Variants in KAZN observed in about 807,000 individuals in gnomAD.
The protein encoded by KAZN is kazrin.
A neutral mutation model predicts 87.4 loss-of-function variants in KAZN; 40 were observed. That is an observed-to-expected ratio of 0.46 (90% CI 0.36 to 0.60). The LOEUF (loss-of-function observed/expected upper bound fraction) is 0.60, where lower values mean the gene tolerates loss of function less well. Among genes scored for constraint, KAZN ranks in the 20% least tolerant of loss-of-function variants. KAZN has a pLI of 0.00. For missense variants in KAZN, 898 were observed against 1,073.9 expected, an observed-to-expected ratio of 0.84 and a Z score of 2.29; for synonymous variants, 466 against 458.3, an observed-to-expected ratio of 1.02 and a Z score of -0.22.
At chr1:13,922,749 G>T (rs531395654) in intron 1 of KAZN, among the ~76,000 whole-genome samples, 1 of 152,208 alleles carries the variant, frequency 6.6e-6, no homozygotes, top group Non-Finnish European at 1.5e-5. Flanking sequence ...TGAGGACAAC[G>T]TGTCCAGCTT....
Position 15,056,677 on chromosome 1 carries a change from G to A in KAZN, c.916+397G>A, listed in dbSNP as rs957006403. Among the ~76,000 whole-genome samples the A allele has an allele frequency of 6.6e-6, 1 of 152,166 alleles. No individual in the cohort carries two copies. The highest frequency in any genetic ancestry group is 6.5e-5 in the Admixed American group (1 of 15,278). On this transcript the variant is annotated intron_variant, in intron 5 of 14. Transcript: ENST00000376030. The surrounding 1 kb of genome is among the most constrained non-coding windows in gnomAD (Gnocchi z 5.4). ...ATAGCAAATCCCAAAGAAAGACTCT[G>A]ATTGGCCACATCAGAGTCACATGGG...
intron 3 of KAZN, among the ~76,000 whole-genome samples, chr1:15,040,661 G>A (rs1672793282): frequency 6.6e-6 from 1 of 152,084 alleles, no homozygotes; most frequent in South Asian, 2.1e-4. Context: ...AGCTACTCGG[G>A]AGGCTGAGGC....
chr1:15,073,192 G>A (rs895389520), intron 8 of KAZN, among the ~76,000 whole-genome samples: 5 of 152,190 alleles, frequency 3.3e-5, no homozygotes, highest in African/African-American at 7.2e-5. Flanking sequence ...AGGAAGAGAG[G>A]AGGTTTGAGA....
chr1:14,846,829 A>G (rs1648828730), intron 1 of KAZN, among the ~76,000 whole-genome samples: 1 of 152,124 alleles, frequency 6.6e-6, no homozygotes, highest in South Asian at 2.1e-4. Flanking sequence ...GTCTTCTTAT[A>G]TAGGAAGGTG....
At chr1:14,886,505 C>A (rs1213366234) in intron 1 of KAZN, among the ~76,000 whole-genome samples, 1 of 151,364 alleles carries the variant, frequency 6.6e-6, no homozygotes, top group Non-Finnish European at 1.5e-5. Context: ...TATAAACACG[C>A]ATATGGCCAG....
chr1:14,359,943 T>C lies in KAZN; in HGVS notation c.249+179351T>C, dbSNP rs148463250. 4.2e-3 allele frequency among the ~76,000 whole-genome samples: 641 copies of C among 152,322 alleles called. 3 individuals are homozygous for C. The highest frequency in any genetic ancestry group is 0.015 in the African/African-American group (603 of 41,566). ...GGTTGCTCTTCTCAAGGAGTATCTT[T>C]GTGGTGGTATCTGTATTTCCTGAAT... is the stretch of plus-strand genomic sequence containing the variant. On this transcript the variant is annotated intron_variant, in intron 2 of 16. Transcript: ENST00000636203.
At chr1:14,308,406 A>C (rs912420178) in intron 2 of KAZN, among the ~76,000 whole-genome samples, 1 of 152,250 alleles carries the variant, frequency 6.6e-6, no homozygotes, top group African/African-American at 2.4e-5. Context: ...AGGAAAACAA[A>C]ATATGCATAT....
chr1:14,818,360 G>A (rs1465876149), intron 1 of KAZN, among the ~76,000 whole-genome samples: 1 of 152,246 alleles, frequency 6.6e-6, no homozygotes, highest in African/African-American at 2.4e-5. Context: ...TTCAATGGGA[G>A]ACCTGTTGAC....
intron 2 of KAZN, among the ~76,000 whole-genome samples, chr1:14,349,932 C>T (rs12037136): frequency 0.17 from 25,483 of 151,706 alleles, 2,193 homozygotes; most frequent in African/African-American, 0.18. Context: ...TTCAGGAGAT[C>T]GAGACTATCC....
intron 2 of KAZN, among the ~76,000 whole-genome samples, chr1:14,439,734 T>A (rs74059508): frequency 0.027 from 4,104 of 152,330 alleles, 195 homozygotes; most frequent in African/African-American, 0.092. Context: ...AGTGCAGGCC[T>A]ACAATGCCCA....
At chr1:14,447,852 G>A (rs1479860000) in intron 2 of KAZN, among the ~76,000 whole-genome samples, 1 of 152,174 alleles carries the variant, frequency 6.6e-6, no homozygotes, top group Non-Finnish European at 1.5e-5. Flanking sequence ...GAAGCTAAAA[G>A]AAGTTAAATA....
At chr1:14,652,755 AC>A (rs1638531183) in intron 1 of KAZN, among the ~76,000 whole-genome samples, 1 of 147,540 alleles carries the variant, frequency 6.8e-6, no homozygotes, top group South Asian at 2.2e-4. Context: ...CCATTCATCC[AC>A]CCATCCACGC....
intron 2 of KAZN, among the ~76,000 whole-genome samples, chr1:14,587,460 A>C (rs1349933102): frequency 6.6e-6 from 1 of 151,832 alleles, no homozygotes; most frequent in Admixed American, 6.6e-5. Context: ...AAAAAAAAAA[A>C]AGAGGTTTAC....
intron 2 of KAZN, among the ~76,000 whole-genome samples, chr1:14,536,877 C>T (rs565510627): frequency 5.9e-5 from 9 of 151,544 alleles, no homozygotes; most frequent in South Asian, 2.1e-4. Flanking sequence ...AGCGAAACTC[C>T]GTCTCAAAAA....
chr1:14,812,160 A>AG (rs777167622), intron 1 of KAZN, among the ~76,000 whole-genome samples: 9 of 151,834 alleles, frequency 5.9e-5, no homozygotes, highest in Non-Finnish European at 8.8e-5. Context: ...ATTGCTTTGA[A>AG]GGGTGTCCCA....
chr1:14,637,577 T>G (rs1680088013), intron 1 of KAZN, among the ~76,000 whole-genome samples: 1 of 152,142 alleles, frequency 6.6e-6, no homozygotes, highest in East Asian at 1.9e-4. Flanking sequence ...GTCGTCTGGT[T>G]CCAGCTACCA....
intron 1 of KAZN, among the ~76,000 whole-genome samples, chr1:14,755,917 G>A (rs1037371758): frequency 6.6e-6 from 1 of 152,164 alleles, no homozygotes; most frequent in Non-Finnish European, 1.5e-5. Context: ...TCTCCCAGAC[G>A]CCCCACAGGC....
chr1:14,279,877 G>A (rs1467965367), intron 2 of KAZN, among the ~76,000 whole-genome samples: 1 of 152,140 alleles, frequency 6.6e-6, no homozygotes, highest in African/African-American at 2.4e-5. Context: ...GCTCTGGAAA[G>A]TACAGGGGCC....
intron 1 of KAZN, among the ~76,000 whole-genome samples, chr1:14,161,745 C>T (rs147611472): frequency 7.8e-4 from 118 of 152,246 alleles, no homozygotes; most frequent in East Asian, 2.3e-3. Flanking sequence ...CTTCCCTTAA[C>T]GATTCAAATG....
Sources: gnomAD v4.1 joint callset for allele counts (sites outside exome capture counted in the v4.1 genomes callset) on GRCh38, gnomAD v4.1.1 for gene constraint, Gnocchi (gnomAD v3.1) non-coding constraint, MANE v1.5 for transcripts, NCBI Gene and HGNC (gene_info 2026-07-23, HGNC 2026-07-21) for gene names.